The following CPEB2 variants were observed in gnomAD, a reference collection of about 807,000 sequenced individuals.
CPEB2 encodes the protein cytoplasmic polyadenylation element binding protein 2, also known as cytoplasmic polyadenylation element-binding protein 2.
Under a neutral mutation model 93.6 loss-of-function variants are expected in CPEB2, and 56 were observed. The ratio of observed to expected loss-of-function variants is 0.60; its 90% CI spans 0.48 to 0.75. The LOEUF is 0.75. Among genes scored for constraint, CPEB2 ranks in the 30% least tolerant of loss-of-function variants. The pLI is 0.00. For synonymous variants in CPEB2, 764 were observed against 586.3 expected, an observed-to-expected ratio of 1.30 and a Z score of -4.38; for missense variants, 1,579 against 1,395.1, an observed-to-expected ratio of 1.13 and a Z score of -2.10.
intron 3 of CPEB2, among the ~76,000 whole-genome samples, chr4:15,012,410 A>T (rs1159496521): frequency 2.6e-5 from 4 of 152,318 alleles, no homozygotes; most frequent in African/African-American, 7.2e-5. Context: ...AAAGAAAATA[A>T]AAGAAATGTA....
chr4:15,003,224 C>CTCCCCACCT lies in CPEB2; in HGVS notation c.560_568dup (p.Leu187_His189dup), dbSNP rs748071067. The stretch of plus-strand genomic sequence containing the variant: ...AGCCAGAAGAGGAAAGAGTTCAGCC[C>CTCCCCACCT]TCCCCACCTTCCCCACCCTCCGGAC... On this transcript the variant is annotated inframe_insertion, in exon 1 of 12. Coordinates refer to ENST00000538197, the MANE Select transcript of CPEB2 (RefSeq NM_001177382.2). The CTCCCCACCT allele has an allele frequency of 3.4e-4, 515 of 1,531,590 alleles. 2 individuals are homozygous for CTCCCCACCT. The African/African-American group carries it at 5.5e-3, about 16-fold the overall frequency. The allele number at this position is 1,531,590 out of a possible 1,614,324, so 94.9% of individuals were successfully genotyped here. A position where few individuals can be genotyped will look rare whatever the true frequency, so the allele number is the denominator to read the frequency against.
rs943094464 is a variant in CPEB2 at position 15,003,632 on chromosome 4, C to T, written c.959C>T (p.Pro320Leu). Reference protein sequence around the residue: ...APGSMESPNHPLLNSPSNLLP... With the variant: ...APGSMESPNHLLLNSPSNLLP... ...GGCTCCATGGAGTCCCCCAACCACC[C>T]TCTGCTCAACAGTCCCAGTAACCTC... Residue 320 changes from proline (P) to leucine (L), a missense_variant, in exon 1 of 12, where the codon CCT becomes CTT. Around this residue, in one of 2 missense-constraint regions of CPEB2, gnomAD observed 1,411 missense variants for 1,056.0 expected, o/e 1.34. Transcript: ENST00000538197. 105 of 1,481,718 alleles carry T rather than the reference C, an allele frequency of 7.1e-5. No homozygotes were observed. Among genetic ancestry groups the T allele is most frequent in the Non-Finnish European group, 8.8e-5 (99 of 1,120,684 alleles). The allele number at this position is 1,481,718 out of a possible 1,614,324, so 91.8% of individuals were successfully genotyped here.
At chr4:15,039,652 G>T (rs1246003306) in intron 5 of CPEB2, among the ~76,000 whole-genome samples, 1 of 151,770 alleles carries the variant, frequency 6.6e-6, no homozygotes, top group African/African-American at 2.4e-5. Flanking sequence ...TTATGAAAAA[G>T]AAATTACAGT....
intron 7 of CPEB2, 101 bp downstream of exon 7, chr4:15,052,685 A>G (rs1275504223): frequency 6.6e-6 from 4 of 602,540 alleles, no homozygotes; most frequent in Non-Finnish European, 1.0e-5. Flanking sequence ...TTTACCACCT[A>G]GAGATTTTCA....
Position 15,002,892 on chromosome 4 carries a change from G to A in CPEB2, c.219G>A (p.Ala73=). 1 of 1,513,566 alleles carries A rather than the reference G, an allele frequency of 6.6e-7. No homozygotes were observed. Among genetic ancestry groups the A allele is most frequent in the Non-Finnish European group, 8.8e-7 (1 of 1,141,054 alleles). 93.8% of individuals were successfully genotyped at this position (1,513,566 alleles called of 1,614,324 possible). The change falls in exon 1 of 12, where the codon GCG becomes GCA. Residue 73 remains alanine, a synonymous_variant. Coordinates refer to ENST00000538197, the MANE Select transcript of CPEB2 (RefSeq NM_001177382.2). The part of the protein sequence containing the change: ...SPFSVPLGGG[A]GSPAAAASSS... Reference sequence around the variant, plus strand: ...TCTCCGTCCCCCTCGGCGGCGGCGCGGGCAGCCCGGCCGCCGCCGCTTCCT... The same window carrying A: ...TCTCCGTCCCCCTCGGCGGCGGCGCAGGCAGCCCGGCCGCCGCCGCTTCCT...
intron 3 of CPEB2, among the ~76,000 whole-genome samples, chr4:15,015,792 A>G (rs190709208): frequency 3.5e-4 from 54 of 152,130 alleles, no homozygotes; most frequent in East Asian, 3.1e-3. Context: ...TAGTGCCTTC[A>G]TATGCTGTTT....
chr4:15,017,467 C>T (rs1724304310), intron 4 of CPEB2, 189 bp downstream of exon 4: 1 of 408,714 alleles, frequency 2.4e-6, no homozygotes, highest in Non-Finnish European at 4.3e-6. Context: ...TGTGAACTCA[C>T]CTCCCTTGAC....
At chr4:15,008,248 C>T (rs547478894) in intron 2 of CPEB2, 90 bp from the exon 3 acceptor site, 47 of 889,534 alleles carry the variant, frequency 5.3e-5, no homozygotes, top group Admixed American at 4.9e-4. Flanking sequence ...TAAGATAGAG[C>T]TTTATTTTTT....
In CPEB2 at chr4:15,003,631, C is replaced by T; in HGVS notation, c.958C>T (p.Pro320Ser). The stretch of plus-strand genomic sequence containing the variant: ...GGGCTCCATGGAGTCCCCCAACCAC[C>T]CTCTGCTCAACAGTCCCAGTAACCT... ...APGSMESPNHPLLNSPSNLLP... is the reference protein window; with the variant it reads ...APGSMESPNHSLLNSPSNLLP... Residue 320 changes from proline to serine, a missense_variant, in exon 1 of 12, where the codon CCT (proline) becomes TCT (serine). Transcript: ENST00000538197. 12 of 1,482,628 alleles carry T rather than the reference C, an allele frequency of 8.1e-6. No homozygotes were observed. Among genetic ancestry groups the T allele is most frequent in the African/African-American group, 1.5e-5 (1 of 68,798 alleles). The allele number at this position is 1,482,628 out of a possible 1,614,324, so 91.8% of individuals were successfully genotyped here. A position where few individuals can be genotyped will look rare whatever the true frequency, so the allele number is the denominator to read the frequency against.
intron 5 of CPEB2, among the ~76,000 whole-genome samples, chr4:15,034,662 A>G (rs1315422535): frequency 6.6e-6 from 1 of 152,212 alleles, no homozygotes; most frequent in East Asian, 1.9e-4. Flanking sequence ...ACATCAGGAA[A>G]AGAAACAATT....
chr4:15,024,434 G>A (rs1302516050), intron 4 of CPEB2, among the ~76,000 whole-genome samples: 3 of 152,112 alleles, frequency 2.0e-5, no homozygotes, highest in African/African-American at 7.2e-5. Context: ...TTGAAGGTAT[G>A]ATATTTTAAC....
chr4:15,056,244 C>A (rs1728701546), intron 8 of CPEB2, among the ~76,000 whole-genome samples: 1 of 152,030 alleles, frequency 6.6e-6, no homozygotes, highest in Non-Finnish European at 1.5e-5. Context: ...TGGAATTAAT[C>A]TAAGGTATTG....
chr4:15,019,586 G>A (rs1724591174), intron 4 of CPEB2, among the ~76,000 whole-genome samples: 2 of 151,462 alleles, frequency 1.3e-5, no homozygotes, highest in Admixed American at 1.3e-4. Flanking sequence ...ACCCTTGTAG[G>A]AAATCCTGTC....
chr4:15,026,388 G>A (rs772265123), intron 4 of CPEB2, among the ~76,000 whole-genome samples: 2 of 151,730 alleles, frequency 1.3e-5, no homozygotes, highest in East Asian at 1.9e-4. Context: ...CACCACACCC[G>A]GCTAATTTTT....
At chr4:15,006,265 CT>C (rs1323711389) in intron 1 of CPEB2, among the ~76,000 whole-genome samples, 8 of 152,226 alleles carry the variant, frequency 5.3e-5, no homozygotes, top group Middle Eastern at 3.4e-3. Flanking sequence ...AGGAGTTTCT[CT>C]TTTAATTGTC....
intron 6 of CPEB2, among the ~76,000 whole-genome samples, chr4:15,048,480 T>C (rs1727921149): frequency 6.6e-6 from 1 of 152,060 alleles, no homozygotes; most frequent in Admixed American, 6.5e-5. Context: ...TTGTTTCCTC[T>C]AGTTGTTAAA....
chr4:15,015,828 G>A (rs928857866), intron 3 of CPEB2, among the ~76,000 whole-genome samples: 14 of 151,928 alleles, frequency 9.2e-5, no homozygotes, highest in Admixed American at 2.6e-4. Context: ...ATATGATAAG[G>A]TTTAATTCAT....
In CPEB2 at chr4:15,003,503, G is replaced by C. The variant is rs1362325562; in HGVS notation, c.830G>C (p.Gly277Ala). 1 of 1,410,292 alleles carries C rather than the reference G, an allele frequency of 7.1e-7. No individual in the cohort carries two copies. The highest frequency in any genetic ancestry group is 1.5e-5 in the African/African-American group (1 of 66,104). 87.4% of individuals were successfully genotyped at this position (1,410,292 alleles called of 1,614,324 possible). A position where few individuals can be genotyped will look rare whatever the true frequency, so the allele number is the denominator to read the frequency against. ...SPPAAPRRRH[G>A]GAGSPRKTPA... is the part of the protein sequence containing the mutation. ...CCTGCAGCCCCGCGGCGCCGCCACG[G>C]AGGCGCGGGCAGCCCTCGCAAGACC... Residue 277 changes from glycine to alanine, a missense_variant, in exon 1 of 12, where the codon GGA becomes GCA. This residue lies in a region of CPEB2 where 1,411 missense variants were observed against 1,056.0 expected (regional missense o/e 1.34). Transcript: ENST00000538197.
At chr4:15,018,936 T>TTATATATATATATATA (rs56945294) in intron 4 of CPEB2, among the ~76,000 whole-genome samples, 66 of 133,108 alleles carry the variant, frequency 5.0e-4, no homozygotes, top group African/African-American at 9.2e-4. Flanking sequence ...AAGGGGAATT[T>TTATATATATATATATA]TATATATATA....
Sources: gnomAD v4.1 joint callset for allele counts (sites outside exome capture counted in the v4.1 genomes callset) on GRCh38, gnomAD v4.1.1 for gene constraint, gnomAD v4.1.1 regional missense constraint, MANE v1.5 for transcripts, NCBI Gene and HGNC (gene_info 2026-07-23, HGNC 2026-07-21) for gene names.